The following VAT1L variants were observed in gnomAD, a reference collection of about 807,000 sequenced individuals.
VAT1L encodes vesicle amine transport 1 like.
Under a neutral mutation model 44.1 loss-of-function variants are expected in VAT1L, and 34 were observed. The ratio of observed to expected loss-of-function variants is 0.77; its 90% CI spans 0.59 to 1.03. VAT1L has a LOEUF of 1.03. Ranked by LOEUF, VAT1L falls within the 50% of genes least tolerant of loss-of-function variation. The pLI, the probability that VAT1L is intolerant of heterozygous loss-of-function variation, is 0.00. For missense variants in VAT1L, 615 were observed against 538.8 expected, an observed-to-expected ratio of 1.14 and a Z score of -1.40; for synonymous variants, 253 against 202.2, an observed-to-expected ratio of 1.25 and a Z score of -2.13.
chr16:77,819,371 C>CT (rs1437607874), intron 2 of VAT1L, among the ~76,000 whole-genome samples: 1 of 151,794 alleles, frequency 6.6e-6, no homozygotes, highest in South Asian at 2.1e-4. Context: ...ATATTCTTTT[C>CT]TTTTTTCTTT....
intron 1 of VAT1L, among the ~76,000 whole-genome samples, chr16:77,795,991 A>G (rs2015927105): frequency 6.6e-6 from 1 of 151,750 alleles, no homozygotes; most frequent in Admixed American, 6.6e-5. Context: ...AAGCCCAGCT[A>G]GTTTTTATAT....
At chr16:77,831,593 C>A (rs1039877395) in intron 3 of VAT1L, among the ~76,000 whole-genome samples, 4 of 152,110 alleles carry the variant, frequency 2.6e-5, no homozygotes, top group Non-Finnish European at 4.4e-5. Flanking sequence ...AAATACCTGA[C>A]CGGTACTCCT....
intron 7 of VAT1L, among the ~76,000 whole-genome samples, chr16:77,953,476 A>G (rs919877823): frequency 6.6e-6 from 1 of 152,200 alleles, no homozygotes; most frequent in African/African-American, 2.4e-5. Context: ...TTATAGCCCA[A>G]TACAGTTTTA....
At chr16:77,955,302 A>T (rs895413588) in intron 7 of VAT1L, among the ~76,000 whole-genome samples, 1 of 152,258 alleles carries the variant, frequency 6.6e-6, no homozygotes, top group Non-Finnish European at 1.5e-5. Context: ...ACAACGGGGT[A>T]GCGCTACTGA....
At chr16:77,837,754 T>G (rs1275454821) in intron 3 of VAT1L, among the ~76,000 whole-genome samples, 1 of 152,188 alleles carries the variant, frequency 6.6e-6, no homozygotes, top group African/African-American at 2.4e-5. Context: ...TGTTTCTTCC[T>G]CTATAAAGAA....
intron 4 of VAT1L, among the ~76,000 whole-genome samples, chr16:77,864,340 C>T (rs890564965): frequency 1.3e-5 from 2 of 152,114 alleles, no homozygotes; most frequent in Admixed American, 6.6e-5. Context: ...TGCCTATAAT[C>T]CCAGCACTTT....
At chr16:77,791,021 A>C (rs1207729455) in intron 1 of VAT1L, among the ~76,000 whole-genome samples, 1 of 152,158 alleles carries the variant, frequency 6.6e-6, no homozygotes, top group African/African-American at 2.4e-5. Context: ...GTACATTTGG[A>C]ATACAGTGTT....
chr16:77,861,924 T>C (rs2016918121), intron 3 of VAT1L, among the ~76,000 whole-genome samples: 1 of 152,240 alleles, frequency 6.6e-6, no homozygotes, highest in African/African-American at 2.4e-5. Flanking sequence ...ACATCTTTTA[T>C]TGGCTGCCTT....
chr16:77,896,926 G>A (rs1202034606), intron 7 of VAT1L, among the ~76,000 whole-genome samples: 1 of 152,226 alleles, frequency 6.6e-6, no homozygotes, highest in East Asian at 1.9e-4. Context: ...CCTTGGCTGT[G>A]TTTTAAAAGA....
At chr16:77,939,478 G>A (rs546403809) in intron 7 of VAT1L, among the ~76,000 whole-genome samples, 1 of 152,320 alleles carries the variant, frequency 6.6e-6, no homozygotes, top group African/African-American at 2.4e-5. Context: ...TCCCTTTAGA[G>A]ATCTGTTGTT....
intron 4 of VAT1L, among the ~76,000 whole-genome samples, chr16:77,864,772 T>A (rs2016954220): frequency 1.3e-5 from 2 of 152,280 alleles, no homozygotes; most frequent in South Asian, 4.1e-4. Context: ...TTTTCAGATT[T>A]ATTTTTCAAT....
Position 77,966,352 on chromosome 16 carries a change from G to A in VAT1L, c.1078-5498G>A, listed in dbSNP as rs530437016. Among the ~76,000 whole-genome samples the A allele has an allele frequency of 2.7e-4, 41 of 152,292 alleles. 1 individual carries two copies. Among genetic ancestry groups the A allele is most frequent in the African/African-American group, 9.1e-4 (38 of 41,564 alleles). On this transcript the variant is annotated intron_variant, in intron 7 of 8. Transcript: ENST00000302536. ...CTTGGGCGAGACTGTGAGGTTGAGGGTGGAGGGCAAATACTTAGAAGAGCT... is the reference window on the plus strand; with the variant it reads ...CTTGGGCGAGACTGTGAGGTTGAGGATGGAGGGCAAATACTTAGAAGAGCT...
chr16:77,836,782 C>T (rs769914983), intron 3 of VAT1L, among the ~76,000 whole-genome samples: 6 of 152,068 alleles, frequency 3.9e-5, no homozygotes, highest in Admixed American at 2.6e-4. Flanking sequence ...TCTCCTTGAC[C>T]GTAAATCATG....
At chr16:77,802,360 T>C (rs572153008) in intron 1 of VAT1L, among the ~76,000 whole-genome samples, 33 of 152,250 alleles carry the variant, frequency 2.2e-4, no homozygotes, top group African/African-American at 7.7e-4. Flanking sequence ...CCCACGCCTG[T>C]AATCCCAGCA....
chr16:77,968,287 A>G (rs576795539), intron 7 of VAT1L, among the ~76,000 whole-genome samples: 127 of 152,258 alleles, frequency 8.3e-4, no homozygotes, highest in African/African-American at 2.8e-3. Flanking sequence ...GAGAGAATTC[A>G]GGGCCAGTCC....
chr16:77,957,090 A>T (rs2142530406), intron 7 of VAT1L, among the ~76,000 whole-genome samples: 1 of 152,322 alleles, frequency 6.6e-6, no homozygotes, highest in Non-Finnish European at 1.5e-5. Flanking sequence ...CCTTTGTACC[A>T]ACTTAATAAA....
chr16:77,885,954 G>A (rs2017205224), intron 7 of VAT1L, among the ~76,000 whole-genome samples: 1 of 151,978 alleles, frequency 6.6e-6, no homozygotes, highest in Non-Finnish European at 1.5e-5. Flanking sequence ...GTCATGGATG[G>A]GCTTAAAACC....
intron 6 of VAT1L, among the ~76,000 whole-genome samples, chr16:77,883,443 T>G (rs1449972885): frequency 6.6e-6 from 1 of 152,218 alleles, no homozygotes; most frequent in Non-Finnish European, 1.5e-5. Flanking sequence ...TTGTAGGTAT[T>G]TCACCCAGAA....
chr16:77,927,209 G>A (rs141824913), intron 7 of VAT1L, among the ~76,000 whole-genome samples: 2,650 of 151,730 alleles, frequency 0.017, 84 homozygotes, highest in African/African-American at 0.061. Context: ...GTGGTGGCGG[G>A]CACCTGTAGT....
Sources: gnomAD v4.1 joint callset for allele counts (sites outside exome capture counted in the v4.1 genomes callset) on GRCh38, gnomAD v4.1.1 for gene constraint, MANE v1.5 for transcripts, NCBI Gene and HGNC (gene_info 2026-07-23, HGNC 2026-07-21) for gene names.